The following NRXN3 variants were observed in gnomAD, a reference collection of about 807,000 sequenced individuals.
NRXN3 encodes the protein neurexin 3.
NRXN3 carries 32 observed loss-of-function variants against 137.6 expected under a neutral mutation model. The observed-to-expected ratio is 0.23, with a 90% CI of 0.18 to 0.31. NRXN3 has a LOEUF of 0.31. Ranked by LOEUF, NRXN3 falls within the 10% of genes least tolerant of loss-of-function variation. NRXN3 has a pLI of 1.00. For missense variants in NRXN3, 1,574 were observed against 2,062.5 expected (o/e 0.76, Z 4.59); for synonymous variants, 798 against 784.5 (o/e 1.02, Z -0.29).
chr14:78,906,926 G>A (rs937811899), intron 10 of NRXN3, among the ~76,000 whole-genome samples: 49 of 151,768 alleles, frequency 3.2e-4, no homozygotes, highest in African/African-American at 1.2e-3. Context: ...GCTCATTTCT[G>A]GAGCAATAAC....
intron 15 of NRXN3, among the ~76,000 whole-genome samples, chr14:79,027,336 G>C (rs569899673): frequency 6.6e-6 from 1 of 152,064 alleles, no homozygotes; most frequent in South Asian, 2.1e-4. Flanking sequence ...ACCCAGCAGT[G>C]AGTTATTCCA....
At chr14:79,138,174 G>C (rs1209110168) in intron 15 of NRXN3, among the ~76,000 whole-genome samples, 1 of 152,116 alleles carries the variant, frequency 6.6e-6, no homozygotes, top group Non-Finnish European at 1.5e-5. Context: ...ATTTTTATTA[G>C]TGACAGGGTT....
At chr14:78,970,003 C>T (rs968672624) in intron 14 of NRXN3, among the ~76,000 whole-genome samples, 8 of 152,022 alleles carry the variant, frequency 5.3e-5, no homozygotes, top group Non-Finnish European at 1.0e-4. Context: ...CTGGAATAGA[C>T]GTAGCATTTG....
chr14:79,245,976 C>T (rs926451049), intron 15 of NRXN3, among the ~76,000 whole-genome samples: 3 of 152,140 alleles, frequency 2.0e-5, no homozygotes, highest in Non-Finnish European at 4.4e-5. Flanking sequence ...CATAAAGATG[C>T]CATTTCTATT....
chr14:79,844,478 T>C (rs2099362855), intron 20 of NRXN3, among the ~76,000 whole-genome samples: 1 of 152,004 alleles, frequency 6.6e-6, no homozygotes, highest in Non-Finnish European at 1.5e-5. Context: ...AAATTGCTTT[T>C]TGATCCATGC....
chr14:78,490,794 G>A (rs898060603), intron 4 of NRXN3, among the ~76,000 whole-genome samples: 6 of 152,020 alleles, frequency 3.9e-5, no homozygotes, highest in East Asian at 1.9e-4. Context: ...TTATTATTCC[G>A]ATTTTACATG....
chr14:79,341,070 T>A (rs949269097), intron 15 of NRXN3, among the ~76,000 whole-genome samples: 4 of 152,178 alleles, frequency 2.6e-5, no homozygotes, highest in African/African-American at 9.7e-5. Context: ...TAGGTCTCTG[T>A]ACAGATGATT....
intron 15 of NRXN3, among the ~76,000 whole-genome samples, chr14:79,101,100 T>C (rs1456477560): frequency 2.6e-5 from 4 of 152,160 alleles, no homozygotes; most frequent in Non-Finnish European, 5.9e-5. Flanking sequence ...TTTCTAAAAT[T>C]CTGTATGCCA....
At chr14:79,782,265 G>T (rs755205924) in intron 19 of NRXN3, among the ~76,000 whole-genome samples, 10 of 152,126 alleles carry the variant, frequency 6.6e-5, no homozygotes, top group Non-Finnish European at 1.5e-5. Flanking sequence ...CCAGATTCTG[G>T]TTCATTAACC....
At chr14:79,069,148 T>C (rs75827863) in intron 15 of NRXN3, among the ~76,000 whole-genome samples, 4,412 of 152,034 alleles carry the variant, frequency 0.029, 215 homozygotes, top group African/African-American at 0.1. Flanking sequence ...GGCTGTGAGA[T>C]GAAATGGCAG....
At chr14:79,565,656 G>C (rs992182573) in intron 16 of NRXN3, among the ~76,000 whole-genome samples, 8 of 151,928 alleles carry the variant, frequency 5.3e-5, no homozygotes, top group Admixed American at 5.2e-4. Flanking sequence ...ACACCTATTT[G>C]GTTGAATTTT....
At position 78,242,983 on chromosome 14, in the gene NRXN3, T is replaced by G; in HGVS notation, c.-111T>G. 1 of 726,516 alleles carries G rather than the reference T, an allele frequency of 1.4e-6. No homozygotes were observed. The highest frequency in any genetic ancestry group is 2.2e-6 in the Non-Finnish European group (1 of 450,460). 45.0% of individuals were successfully genotyped at this position (726,516 alleles called of 1,614,324 possible). On this transcript the variant is annotated 5_prime_UTR_variant, in exon 2 of 21. Coordinates refer to ENST00000335750, the MANE Select transcript of NRXN3 (RefSeq NM_001330195.2). ...TGCTGCCTTCCTCCTGTGTGCTTTC[T>G]GTCCCCCCATCTCTGTCTTGTCTTT...
intron 20 of NRXN3, among the ~76,000 whole-genome samples, chr14:79,835,289 A>G (rs1176378260): frequency 6.6e-6 from 1 of 152,126 alleles, no homozygotes; most frequent in Non-Finnish European, 1.5e-5. Flanking sequence ...CACATGATAA[A>G]TATGTACAAT....
chr14:79,533,304 T>A (rs2097185125), intron 16 of NRXN3, among the ~76,000 whole-genome samples: 1 of 152,028 alleles, frequency 6.6e-6, no homozygotes, highest in South Asian at 2.1e-4. Flanking sequence ...AACAGTGGAG[T>A]CTGCTGTCTC....
intron 4 of NRXN3, among the ~76,000 whole-genome samples, chr14:78,398,701 C>T (rs2091760614): frequency 1.3e-5 from 2 of 152,192 alleles, no homozygotes; most frequent in Non-Finnish European, 2.9e-5. Flanking sequence ...AAAGTCCTGG[C>T]TCTCTACTAG....
Position 79,663,775 on chromosome 14 carries a change from T to C in NRXN3, c.3445-3T>C, listed in dbSNP as rs775126047. 10 of 1,611,728 alleles carry C rather than the reference T, an allele frequency of 6.2e-6. No individual in the cohort carries two copies. The highest frequency in any genetic ancestry group is 7.6e-6 in the Non-Finnish European group (9 of 1,178,868). On this transcript the variant is annotated splice_polypyrimidine_tract_variant and splice_region_variant and intron_variant, in intron 16 of 20. Coordinates refer to ENST00000335750, the MANE Select transcript of NRXN3 (RefSeq NM_001330195.2). ...CTATGCCTTTTGTGTTTCTTTATTA[T>C]AGGAACAGGGGAAAATTGGAGTTGT...
chr14:78,926,878 TAATATA>T (rs1419738169), intron 10 of NRXN3, among the ~76,000 whole-genome samples: 263 of 24,358 alleles, frequency 0.011, 17 homozygotes, highest in Middle Eastern at 0.036. Flanking sequence ...ATATAATATA[TAATATA>T]TTTATATATA....
intron 4 of NRXN3, among the ~76,000 whole-genome samples, chr14:78,634,571 C>G (rs770441612): frequency 6.6e-5 from 10 of 152,150 alleles, no homozygotes; most frequent in Non-Finnish European, 1.2e-4. Flanking sequence ...ACATGTAGAA[C>G]CTATAGTAGA....
intron 5 of NRXN3, chr14:78,649,249 T>C: frequency 1.5e-6 from 2 of 1,341,104 alleles, no homozygotes; most frequent in Non-Finnish European, 2.0e-6. Context: ...ATTTCCTTTC[T>C]TCCCCCTTCT....
Sources: gnomAD v4.1 joint callset for allele counts (sites outside exome capture counted in the v4.1 genomes callset) on GRCh38, gnomAD v4.1.1 for gene constraint, MANE v1.5 for transcripts, NCBI Gene and HGNC (gene_info 2026-07-23, HGNC 2026-07-21) for gene names.